Variants in FGGY observed in about 807,000 individuals in gnomAD.
FGGY encodes FGGY carbohydrate kinase domain-containing protein.
A neutral mutation model predicts 71.3 loss-of-function variants in FGGY; 72 were observed. The ratio of observed to expected loss-of-function variants is 1.01; its 90% CI spans 0.84 to 1.23. The LOEUF (loss-of-function observed/expected upper bound fraction) is 1.23, where lower values mean the gene tolerates loss of function less well. FGGY is among the 50% of genes most tolerant of loss of function. FGGY has a pLI of 0.00. For missense variants in FGGY, 668 were observed against 682.3 expected, an observed-to-expected ratio of 0.98 and a Z score of 0.23; for synonymous variants, 251 against 250.3, an observed-to-expected ratio of 1.00 and a Z score of -0.02.
intron 5 of FGGY, among the ~76,000 whole-genome samples, chr1:59,411,204 G>A (rs1314365783): frequency 6.6e-6 from 1 of 152,172 alleles, no homozygotes; most frequent in African/African-American, 2.4e-5. Context: ...TTTGGAGTCT[G>A]GTTAGGCATT....
chr1:59,512,140 G>A (rs899435348), intron 6 of FGGY, among the ~76,000 whole-genome samples, 171 bp from the exon 7 acceptor site: 17 of 152,148 alleles, frequency 1.1e-4, no homozygotes, highest in African/African-American at 2.9e-4. Flanking sequence ...TACCAAGCAC[G>A]TACACTAAAG....
At chr1:59,742,258 C>T (rs2098156690) in intron 14 of FGGY, among the ~76,000 whole-genome samples, 1 of 152,204 alleles carries the variant, frequency 6.6e-6, no homozygotes, top group South Asian at 2.1e-4. Flanking sequence ...CCTTCCGCTA[C>T]AGAAATTCCA....
intron 12 of FGGY, among the ~76,000 whole-genome samples, chr1:59,663,576 A>G (rs1362465739): frequency 6.6e-6 from 1 of 152,178 alleles, no homozygotes; most frequent in Admixed American, 6.5e-5. Context: ...TCAATCTTGT[A>G]TTTAATGGGC....
intron 4 of FGGY, among the ~76,000 whole-genome samples, chr1:59,376,064 T>A (rs1266922808): frequency 6.6e-6 from 1 of 152,006 alleles, no homozygotes; most frequent in African/African-American, 2.4e-5. Context: ...CCACAAGACA[T>A]ATGGAAATAG....
chr1:59,610,116 G>GCAGGTTTGTTACATAGGAATATGTGTGC (rs2096660353), intron 9 of FGGY, among the ~76,000 whole-genome samples: 1 of 152,194 alleles, frequency 6.6e-6, no homozygotes, highest in African/African-American at 2.4e-5. Context: ...TGCAGAACCT[G>GCAGGTTTGTTACATAGGAATATGTGTGC]CAGGTTTGTT....
chr1:59,520,799 A>G (rs763714703), intron 7 of FGGY, among the ~76,000 whole-genome samples: 74 of 152,258 alleles, frequency 4.9e-4, no homozygotes, highest in Non-Finnish European at 8.7e-4. Flanking sequence ...TAAGTGTGGA[A>G]AATGTCACCT....
chr1:59,421,361 C>T (rs2065384158), intron 5 of FGGY, among the ~76,000 whole-genome samples: 1 of 151,974 alleles, frequency 6.6e-6, no homozygotes, highest in Non-Finnish European at 1.5e-5. Context: ...TTGAAAGATA[C>T]CTCCTTTTAT....
At chr1:59,606,249 C>T (rs2153815329) in intron 8 of FGGY, among the ~76,000 whole-genome samples, 1 of 152,348 alleles carries the variant, frequency 6.6e-6, no homozygotes, top group South Asian at 2.1e-4. Flanking sequence ...CTACTTGGAA[C>T]ACCTGTTTCA....
intron 4 of FGGY, among the ~76,000 whole-genome samples, chr1:59,373,925 A>C (rs148208610): frequency 0.031 from 4,789 of 152,286 alleles, 99 homozygotes; most frequent in East Asian, 0.058. Flanking sequence ...AAAGACTTAA[A>C]CGTTAGACCT....
chr1:59,607,873 G>A lies in FGGY; in HGVS notation c.974G>A (p.Trp325Ter), dbSNP rs1375369871. The A allele has an allele frequency of 1.9e-6, 3 of 1,613,960 alleles. No individual in the cohort carries two copies. In the African/African-American group the frequency reaches 4.0e-5, roughly 22 times the overall value. The change falls in exon 9 of 16, where the codon TGG becomes TAG. Residue 325 changes from tryptophan (W) to a stop codon, truncating the protein, a stop_gained. Coordinates refer to ENST00000303721, the MANE Select transcript of FGGY (RefSeq NM_018291.5). LOFTEE classifies it high-confidence loss of function. ...PYFSAMVPGFWLNEGGQSVTG... is the reference protein window; with the variant it reads ...PYFSAMVPGF ...TTCTCAGCCATGGTACCTGGGTTCT[G>A]GCTGAATGAAGGTGGTCAGAGCGTT...
chr1:59,333,199 C>T (rs149617193), intron 2 of FGGY, among the ~76,000 whole-genome samples: 179 of 152,278 alleles, frequency 1.2e-3, no homozygotes, highest in Non-Finnish European at 2.1e-3. Flanking sequence ...ATTTTCTCAC[C>T]CAAGTCCTCT....
intron 7 of FGGY, among the ~76,000 whole-genome samples, chr1:59,553,321 G>A (rs977264124): frequency 2.6e-5 from 4 of 152,286 alleles, no homozygotes; most frequent in Non-Finnish European, 5.9e-5. Context: ...ATCGTTTTGT[G>A]CATAGAAGGG....
chr1:59,480,353 T>C (rs1333563922), intron 6 of FGGY, among the ~76,000 whole-genome samples: 4 of 152,206 alleles, frequency 2.6e-5, no homozygotes, highest in African/African-American at 9.6e-5. Context: ...CCGCAAGATC[T>C]GCTCTCATGG....
At chr1:59,565,310 C>G (rs1361355983) in intron 8 of FGGY, among the ~76,000 whole-genome samples, 1 of 151,986 alleles carries the variant, frequency 6.6e-6, no homozygotes. Context: ...AAGACAGAGT[C>G]TTGTCGCACT....
intron 1 of FGGY, among the ~76,000 whole-genome samples, chr1:59,300,672 G>T (rs1212662874): frequency 6.7e-6 from 1 of 149,008 alleles, no homozygotes; most frequent in Non-Finnish European, 1.5e-5. Context: ...TATAGGACAT[G>T]AAATATGGAA....
At chr1:59,574,354 AG>A (rs2096042409) in intron 8 of FGGY, among the ~76,000 whole-genome samples, 1 of 152,186 alleles carries the variant, frequency 6.6e-6, no homozygotes, top group Non-Finnish European at 1.5e-5. Context: ...GTCTCTTACA[AG>A]AACAGTTATG....
At chr1:59,736,000 G>A (rs899612298) in intron 14 of FGGY, among the ~76,000 whole-genome samples, 6 of 152,132 alleles carry the variant, frequency 3.9e-5, no homozygotes, top group Non-Finnish European at 8.8e-5. Context: ...CCCAGTGGGA[G>A]GTAACTGAAT....
At chr1:59,424,870 A>C (rs923482533) in intron 5 of FGGY, among the ~76,000 whole-genome samples, 2 of 152,224 alleles carry the variant, frequency 1.3e-5, no homozygotes, top group Non-Finnish European at 2.9e-5. Flanking sequence ...GCCAGTTATG[A>C]AGGATATAGG....
chr1:59,416,290 T>C (rs1265653398), intron 5 of FGGY, among the ~76,000 whole-genome samples: 1 of 152,168 alleles, frequency 6.6e-6, no homozygotes, highest in African/African-American at 2.4e-5. Context: ...CCCATCCTTA[T>C]GTAACAGCAT....
Sources: gnomAD v4.1 joint callset for allele counts (sites outside exome capture counted in the v4.1 genomes callset) on GRCh38, gnomAD v4.1.1 for gene constraint, MANE v1.5 for transcripts, NCBI Gene and HGNC (gene_info 2026-07-23, HGNC 2026-07-21) for gene names.